Variants in MICU3 observed in about 807,000 individuals in gnomAD.
MICU3 encodes the protein mitochondrial calcium uptake 3, also known as calcium uptake protein 3, mitochondrial.
A neutral mutation model predicts 66.5 loss-of-function variants in MICU3; 62 were observed. The ratio of observed to expected loss-of-function variants is 0.93; its 90% CI spans 0.76 to 1.15. The LOEUF (loss-of-function observed/expected upper bound fraction) is 1.15, where lower values mean the gene tolerates loss of function less well. MICU3 is among the 50% of genes most tolerant of loss of function. MICU3 has a pLI of 0.00. For missense variants in MICU3, 779 were observed against 664.4 expected, an observed-to-expected ratio of 1.17 and a Z score of -1.90; for synonymous variants, 308 against 240.7, an observed-to-expected ratio of 1.28 and a Z score of -2.59.
chr8:17,112,188 C>T (rs1802265363), intron 11 of MICU3, among the ~76,000 whole-genome samples: 1 of 152,182 alleles, frequency 6.6e-6, no homozygotes, highest in South Asian at 2.1e-4. Context: ...AGAGCCAAAC[C>T]ATATCAACAT....
chr8:17,043,174 C>T (rs1023384110), intron 1 of MICU3, among the ~76,000 whole-genome samples: 7 of 151,790 alleles, frequency 4.6e-5, no homozygotes, highest in African/African-American at 4.8e-5. Flanking sequence ...CTCCTGACCT[C>T]GTGATCCGCC....
intron 1 of MICU3, among the ~76,000 whole-genome samples, chr8:17,039,659 A>G (rs1025905313): frequency 4.6e-5 from 7 of 152,166 alleles, no homozygotes; most frequent in Non-Finnish European, 7.4e-5. Flanking sequence ...TATAAGTGCT[A>G]AGTAATATGT....
the MICU3 span, among the ~76,000 whole-genome samples, chr8:17,137,691 A>C: frequency 6.8e-6 from 1 of 147,246 alleles, no homozygotes; most frequent in Non-Finnish European, 1.5e-5. Flanking sequence ...GGGAAAGAGT[A>C]ATATTTTCTT....
chr8:17,035,906 G>T (rs972733626), intron 1 of MICU3, among the ~76,000 whole-genome samples: 4 of 152,160 alleles, frequency 2.6e-5, no homozygotes, highest in Admixed American at 2.6e-4. Context: ...TCTAGGCAAG[G>T]TCAAAGGTCT....
intron 1 of MICU3, among the ~76,000 whole-genome samples, chr8:17,050,829 G>A (rs1023990677): frequency 1.3e-5 from 2 of 151,990 alleles, no homozygotes; most frequent in African/African-American, 2.4e-5. Flanking sequence ...TTTAAAAAAC[G>A]CAGTATAAGA....
chr8:17,041,469 T>C lies in MICU3; in HGVS notation c.381+13809T>C, dbSNP rs118107199. 1.5e-4 allele frequency among the ~76,000 whole-genome samples: 23 copies of C among 152,218 alleles called. No homozygotes were observed. The East Asian group carries it at 4.5e-3, about 29-fold the overall frequency. On this transcript the variant is annotated intron_variant, in intron 1 of 14. Transcript: ENST00000318063. ...ATTGGAGGTGATAATCAGATTACAG[T>C]TGGATAAGCTGAGTAAATGTGAAGA...
chr8:17,062,434 T>G (rs1238164696), intron 1 of MICU3, among the ~76,000 whole-genome samples: 2 of 152,166 alleles, frequency 1.3e-5, no homozygotes, highest in Non-Finnish European at 2.9e-5. Context: ...GAGCGAAACT[T>G]TTTTTCAGTT....
At chr8:17,087,481 G>C (rs980030479) in intron 7 of MICU3, among the ~76,000 whole-genome samples, 2 of 151,946 alleles carry the variant, frequency 1.3e-5, no homozygotes, top group African/African-American at 4.8e-5. Context: ...TTCTTCTTCT[G>C]GGATATATAA....
chr8:17,093,448 TC>T (rs1174170892), intron 8 of MICU3, among the ~76,000 whole-genome samples: 1 of 152,012 alleles, frequency 6.6e-6, no homozygotes, highest in Non-Finnish European at 1.5e-5. Flanking sequence ...ATGTGTATTT[TC>T]CAGTTTGGGG....
rs1801810400 is a variant in MICU3, at chr8:17,107,131, C to T, written c.1257+1547C>T. ...GTGGCAACATAAGCAAAATCCTTCT[C>T]TCATGGAAATGTATGTTAGTGGAGA... On this transcript the variant is annotated intron_variant, in intron 11 of 14. Transcript: ENST00000318063. Among the ~76,000 whole-genome samples the T allele has an allele frequency of 2.0e-5, 3 of 152,106 alleles. No individual in the cohort carries two copies. In the South Asian group the frequency reaches 6.2e-4, roughly 32 times the overall value.
chr8:17,118,101 A>G (rs114372708), intron 13 of MICU3, among the ~76,000 whole-genome samples: 2,146 of 152,312 alleles, frequency 0.014, 34 homozygotes, highest in African/African-American at 0.049. Context: ...AACAAGTTAC[A>G]TTGAAAATCG....
chr8:17,137,752 C>G, the MICU3 span, among the ~76,000 whole-genome samples: 1 of 125,228 alleles, frequency 8.0e-6, no homozygotes, highest in Non-Finnish European at 1.6e-5. Context: ...GAGTCTCACT[C>G]TGTCGCCAGG....
downstream of MICU3, among the ~76,000 whole-genome samples, chr8:17,126,163 A>T (rs1174426430): frequency 1.9e-5 from 2 of 106,888 alleles, no homozygotes; most frequent in Non-Finnish European, 4.6e-5. Context: ...TTCTTCCTAA[A>T]CAGTTTCAAT....
In MICU3 at chr8:17,114,118, C is replaced by T. The variant is rs1802468798; in HGVS notation, c.1283C>T (p.Ser428Leu). The T allele has an allele frequency of 6.2e-7, 1 of 1,611,332 alleles. No homozygotes were observed. Among genetic ancestry groups the T allele is most frequent in the Non-Finnish European group, 8.5e-7 (1 of 1,178,610 alleles). The change falls in exon 12 of 15, where the codon TCA (serine) becomes TTA (leucine). Residue 428 changes from serine (S) to leucine (L), a missense_variant. Physicochemically the swap from Ser to Leu is moderately radical, Grantham distance 145. Coordinates refer to ENST00000318063, the MANE Select transcript of MICU3 (RefSeq NM_181723.3). ...EKGITFDEFRSFFQFLNNLED... is the reference protein window; with the variant it reads ...EKGITFDEFRLFFQFLNNLED... ...GGCATCACATTTGATGAATTCAGGT[C>T]ATTTTTCCAGTTTTTAAACAACCTA...
chr8:17,064,770 T>A (rs1358062908), intron 2 of MICU3, among the ~76,000 whole-genome samples: 2 of 152,206 alleles, frequency 1.3e-5, no homozygotes, highest in Middle Eastern at 3.2e-3. Context: ...TTATTTGATC[T>A]GTTATAATAT....
chr8:17,138,384 C>T, the MICU3 span, among the ~76,000 whole-genome samples: 4 of 152,086 alleles, frequency 2.6e-5, no homozygotes, highest in Non-Finnish European at 4.4e-5. Flanking sequence ...CAGAACATAC[C>T]TTCAACCGTC....
the MICU3 span, among the ~76,000 whole-genome samples, chr8:17,134,977 T>C: frequency 2.6e-5 from 4 of 152,346 alleles, no homozygotes; most frequent in East Asian, 7.7e-4. Context: ...TTTCATTCAG[T>C]GATAATTATT....
rs115280944 is a variant in MICU3 at position 17,027,833 on chromosome 8, T to C, written c.381+173T>C. ...AGCCTAGGATCCGGTCACCCACGTA[T>C]TGGGAAGACCAGTGATGCTGTCCCT... is the stretch of plus-strand genomic sequence containing the variant. On this transcript the variant is annotated intron_variant, in intron 1 of 14. Transcript: ENST00000318063. 2.8e-3 allele frequency among the ~76,000 whole-genome samples: 429 copies of C among 152,272 alleles called. 4 individuals carry two copies. The highest frequency in any genetic ancestry group is 0.01 in the African/African-American group (420 of 41,552).
At chr8:17,072,967 T>TCCACG (rs1350318107) in intron 3 of MICU3, among the ~76,000 whole-genome samples, 2 of 151,876 alleles carry the variant, frequency 1.3e-5, no homozygotes, top group Admixed American at 1.3e-4. Flanking sequence ...CTTGGCTCAC[T>TCCACG]CCATCTTCTG....
Sources: gnomAD v4.1 joint callset for allele counts (sites outside exome capture counted in the v4.1 genomes callset) on GRCh38, gnomAD v4.1.1 for gene constraint, MANE v1.5 for transcripts, NCBI Gene and HGNC (gene_info 2026-07-23, HGNC 2026-07-21) for gene names.